Variants in DGKB observed in about 807,000 individuals in gnomAD.
DGKB encodes the protein 90 kDa diacylglycerol kinase.
DGKB carries 67 observed loss-of-function variants against 114.3 expected under a neutral mutation model. The observed-to-expected ratio is 0.59, with a 90% CI of 0.48 to 0.72. DGKB has a LOEUF of 0.72. DGKB is among the 30% of genes least tolerant of loss of function. The probability of loss-of-function intolerance (pLI) is 0.00; values close to 1 mark genes in which losing one functional copy is unlikely to be tolerated. For synonymous variants in DGKB, 398 were observed against 323.1 expected (o/e 1.23, Z -2.49); for missense variants, 907 against 975.2 (o/e 0.93, Z 0.93).
chr7:14,454,315 A>T (rs1831961313), intron 21 of DGKB, among the ~76,000 whole-genome samples: 1 of 152,134 alleles, frequency 6.6e-6, no homozygotes, highest in Non-Finnish European at 1.5e-5. Context: ...TTAAAAAATC[A>T]CTTAATTCTA....
chr7:14,445,887 G>T (rs907249738), intron 21 of DGKB, among the ~76,000 whole-genome samples: 7 of 151,974 alleles, frequency 4.6e-5, no homozygotes, highest in African/African-American at 1.7e-4. Context: ...TGCCTTCCAT[G>T]AAAGTCTACT....
chr7:14,677,101 G>A (rs929658767), intron 12 of DGKB, among the ~76,000 whole-genome samples: 1 of 151,824 alleles, frequency 6.6e-6, no homozygotes, highest in Admixed American at 6.6e-5. Context: ...TTTAGAGCCA[G>A]ATCTATGTTT....
chr7:14,731,726 T>G (rs1203055801), intron 5 of DGKB, among the ~76,000 whole-genome samples: 4 of 152,090 alleles, frequency 2.6e-5, no homozygotes, highest in Non-Finnish European at 5.9e-5. Flanking sequence ...AGATTCCAAC[T>G]GATTTTAAAA....
chr7:14,684,767 G>T (rs1270399560), intron 10 of DGKB, among the ~76,000 whole-genome samples: 9 of 151,964 alleles, frequency 5.9e-5, no homozygotes, highest in African/African-American at 1.9e-4. Flanking sequence ...TGTAAAATTA[G>T]TTCGTATATC....
intron 23 of DGKB, among the ~76,000 whole-genome samples, chr7:14,231,723 T>A (rs1562687169): frequency 6.6e-6 from 1 of 151,980 alleles, no homozygotes; most frequent in Non-Finnish European, 1.5e-5. Flanking sequence ...AAACTCATAC[T>A]GTGTTCTATT....
chr7:14,430,018 G>T (rs1392889198), intron 21 of DGKB, among the ~76,000 whole-genome samples: 1 of 152,174 alleles, frequency 6.6e-6, no homozygotes, highest in Non-Finnish European at 1.5e-5. Flanking sequence ...CTTGGGAAAT[G>T]ATTGCTTTTT....
At chr7:14,817,694 G>T (rs955394635) in intron 2 of DGKB, among the ~76,000 whole-genome samples, 2 of 152,112 alleles carry the variant, frequency 1.3e-5, no homozygotes, top group Non-Finnish European at 2.9e-5. Flanking sequence ...CCAGGGAAAT[G>T]CATGTTTTCA....
chr7:14,916,566 A>G (rs1176850218), intron 1 of DGKB, among the ~76,000 whole-genome samples: 1 of 152,166 alleles, frequency 6.6e-6, no homozygotes, highest in Non-Finnish European at 1.5e-5. Context: ...GCATTACATA[A>G]GGATGAAGTT....
chr7:14,471,841 C>G (rs1220319983), intron 21 of DGKB, among the ~76,000 whole-genome samples: 1 of 151,684 alleles, frequency 6.6e-6, no homozygotes, highest in Non-Finnish European at 1.5e-5. Flanking sequence ...GAATAAATAC[C>G]TATTGAGTAC....
rs1799416287 is a variant in DGKB, at chr7:14,278,817, T to C, written c.2122+59698A>G. 7.2e-5 allele frequency among the ~76,000 whole-genome samples: 11 copies of C among 152,174 alleles called. 1 individual carries two copies. The South Asian group carries it at 2.3e-3, about 32-fold the overall frequency. ...AACAACTCAATAGGAAGAAAATAAATAACCCAATTAACAGTGGGTAAAATG... is the reference window on the plus strand; with the variant it reads ...AACAACTCAATAGGAAGAAAATAAACAACCCAATTAACAGTGGGTAAAATG... On this transcript the variant is annotated intron_variant, in intron 23 of 25. Transcript: ENST00000402815.
At chr7:14,606,337 C>T (rs1804503789) in intron 17 of DGKB, among the ~76,000 whole-genome samples, 1 of 151,984 alleles carries the variant, frequency 6.6e-6, no homozygotes, top group Non-Finnish European at 1.5e-5. Context: ...AGCCTGTCTT[C>T]CACAGGAAGG....
chr7:14,691,791 G>A (rs6964581), intron 9 of DGKB, among the ~76,000 whole-genome samples: 11,844 of 151,578 alleles, frequency 0.078, 1,496 homozygotes, highest in African/African-American at 0.27. Context: ...GTGGTCTCTT[G>A]AGATTAAATA....
At chr7:14,172,220 CCTCA>C (rs1018676950) in intron 25 of DGKB, among the ~76,000 whole-genome samples, 5 of 149,736 alleles carry the variant, frequency 3.3e-5, no homozygotes, top group African/African-American at 1.2e-4. Flanking sequence ...AAACAGGAAG[CCTCA>C]CTCAAACCAC....
At chr7:14,540,264 T>G (rs1793203933) in intron 20 of DGKB, among the ~76,000 whole-genome samples, 1 of 152,176 alleles carries the variant, frequency 6.6e-6, no homozygotes, top group Admixed American at 6.5e-5. Flanking sequence ...AAGATGCAAT[T>G]TTAATGATGC....
rs62443502 is a variant in DGKB, at chr7:14,520,955, C to T, written c.1771-42730G>A. 5.4e-3 allele frequency among the ~76,000 whole-genome samples: 815 copies of T among 152,084 alleles called. 5 individuals carry two copies. The highest frequency in any genetic ancestry group is 0.017 in the Middle Eastern group (5 of 294). On this transcript the variant is annotated intron_variant, in intron 20 of 25. Transcript: ENST00000402815. ...TCATCCAATTTCATCATCATTAGAC[C>T]ATAATATTGCTGAACATACTATTCC...
chr7:14,477,558 C>A (rs1450859122), intron 21 of DGKB, among the ~76,000 whole-genome samples: 1 of 152,100 alleles, frequency 6.6e-6, no homozygotes, highest in African/African-American at 2.4e-5. Context: ...GGAACCAAGG[C>A]TTTCCTGTTT....
intron 21 of DGKB, among the ~76,000 whole-genome samples, chr7:14,392,995 G>GTTTTGTTGTTTTCTTTTTTTT (rs1554404749): frequency 2.6e-4 from 16 of 60,546 alleles, no homozygotes; most frequent in African/African-American, 7.7e-4. Context: ...TTTTGTTTTT[G>GTTTTGTTGTTTTCTTTTTTTT]TTTTTTTTTT....
At chr7:14,788,660 G>A (rs1293393643) in intron 2 of DGKB, among the ~76,000 whole-genome samples, 2 of 152,110 alleles carry the variant, frequency 1.3e-5, no homozygotes, top group Non-Finnish European at 2.9e-5. Flanking sequence ...AGCCTGATGA[G>A]CCTCTTACTT....
At chr7:14,527,988 A>C (rs1013671267) in intron 20 of DGKB, among the ~76,000 whole-genome samples, 1 of 152,108 alleles carries the variant, frequency 6.6e-6, no homozygotes, top group African/African-American at 2.4e-5. Context: ...TATACCATGT[A>C]ATTTTAAATG....
Sources: allele counts gnomAD v4.1 joint callset (sites outside exome capture counted in the v4.1 genomes callset), GRCh38; gene constraint gnomAD v4.1.1; transcripts MANE v1.5; gene names NCBI Gene and HGNC (gene_info 2026-07-23, HGNC 2026-07-21).